The following KCNH7 variants were observed in gnomAD, a reference collection of about 807,000 sequenced individuals.
KCNH7 encodes the protein voltage-gated inwardly rectifying potassium channel KCNH7.
Under a neutral mutation model 120.8 loss-of-function variants are expected in KCNH7, and 49 were observed. That is an observed-to-expected ratio of 0.41 (90% CI 0.32 to 0.51). The LOEUF is 0.51. KCNH7 is among the 20% of genes least tolerant of loss of function. The pLI is 0.38. For missense variants in KCNH7, 1,097 were observed against 1,446.6 expected, an observed-to-expected ratio of 0.76 and a Z score of 3.92; for synonymous variants, 547 against 516.1, an observed-to-expected ratio of 1.06 and a Z score of -0.81.
At chr2:162,666,796 A>G (rs1685147434) in intron 2 of KCNH7, among the ~76,000 whole-genome samples, 2 of 152,152 alleles carry the variant, frequency 1.3e-5, no homozygotes, top group South Asian at 2.1e-4. Flanking sequence ...CATCTCTGCC[A>G]GTGTTCTTGG....
chr2:162,579,708 C>A (rs1369257379), intron 2 of KCNH7, among the ~76,000 whole-genome samples: 1 of 152,014 alleles, frequency 6.6e-6, no homozygotes, highest in African/African-American at 2.4e-5. Flanking sequence ...ACAAGCCTTT[C>A]CGAAAGTCTA....
intron 5 of KCNH7, among the ~76,000 whole-genome samples, chr2:162,509,988 T>C (rs1691014276): frequency 6.6e-6 from 1 of 151,590 alleles, no homozygotes; most frequent in Non-Finnish European, 1.5e-5. Flanking sequence ...AGATTTTTAC[T>C]GATGACTTGT....
chr2:162,516,161 C>G (rs1314810691), intron 4 of KCNH7, among the ~76,000 whole-genome samples: 2 of 151,756 alleles, frequency 1.3e-5, no homozygotes, highest in African/African-American at 4.8e-5. Flanking sequence ...GCAGAGCTCA[C>G]TATGCCAGAG....
chr2:162,401,140 G>C (rs974691172), intron 9 of KCNH7, among the ~76,000 whole-genome samples: 4 of 151,866 alleles, frequency 2.6e-5, no homozygotes, highest in Non-Finnish European at 5.9e-5. Context: ...AAGTGCTACT[G>C]TTTTGACAAC....
chr2:162,562,727 G>A (rs1203245897), intron 2 of KCNH7, among the ~76,000 whole-genome samples: 2 of 152,250 alleles, frequency 1.3e-5, no homozygotes, highest in Non-Finnish European at 2.9e-5. Flanking sequence ...TCAATAAAGC[G>A]ATGGAATCTT....
intron 2 of KCNH7, among the ~76,000 whole-genome samples, chr2:162,556,601 T>C (rs1692864893): frequency 6.6e-6 from 1 of 152,218 alleles, no homozygotes; most frequent in African/African-American, 2.4e-5. Flanking sequence ...GACATGATTA[T>C]TTAAAATGTA....
intron 2 of KCNH7, among the ~76,000 whole-genome samples, chr2:162,734,605 C>G (rs1687837064): frequency 6.6e-6 from 1 of 152,106 alleles, no homozygotes; most frequent in Admixed American, 6.6e-5. Flanking sequence ...TGTGGCACTC[C>G]TTGCCTTAGG....
intron 2 of KCNH7, among the ~76,000 whole-genome samples, chr2:162,562,571 G>A (rs1414621565): frequency 6.6e-6 from 1 of 152,116 alleles, no homozygotes; most frequent in Non-Finnish European, 1.5e-5. Flanking sequence ...AAAAGTACTC[G>A]GTCCTTAGCT....
intron 2 of KCNH7, among the ~76,000 whole-genome samples, chr2:162,801,102 A>C (rs1684329729): frequency 6.6e-6 from 1 of 151,852 alleles, no homozygotes; most frequent in African/African-American, 2.4e-5. Context: ...TTTTAAAAGA[A>C]GAAAAAATTA....
intron 2 of KCNH7, among the ~76,000 whole-genome samples, chr2:162,723,837 C>T (rs1481464679): frequency 2.6e-5 from 4 of 152,012 alleles, no homozygotes; most frequent in Admixed American, 2.0e-4. Flanking sequence ...ACATTAATAC[C>T]TTACTTTTGG....
chr2:162,570,427 T>A (rs897183369), intron 2 of KCNH7, among the ~76,000 whole-genome samples: 3 of 152,040 alleles, frequency 2.0e-5, no homozygotes, highest in Non-Finnish European at 4.4e-5. Flanking sequence ...TGTGTGTCTC[T>A]GCACATGAGA....
intron 8 of KCNH7, among the ~76,000 whole-genome samples, chr2:162,430,813 A>C (rs1688038790): frequency 6.6e-6 from 1 of 151,980 alleles, no homozygotes; most frequent in South Asian, 2.1e-4. Context: ...GCAGGTCAGA[A>C]ATGGAATACA....
chr2:162,486,889 A>G (rs1057512898), intron 6 of KCNH7, among the ~76,000 whole-genome samples: 9 of 152,238 alleles, frequency 5.9e-5, no homozygotes, highest in Admixed American at 6.5e-5. Context: ...AGGAATTTTT[A>G]GAACCTTAAA....
intron 2 of KCNH7, among the ~76,000 whole-genome samples, chr2:162,685,715 G>GA (rs111556174): frequency 0.011 from 1,613 of 143,746 alleles, 21 homozygotes; most frequent in African/African-American, 0.038. Flanking sequence ...AGATGTATTA[G>GA]AAAAAAAAAA....
intron 9 of KCNH7, among the ~76,000 whole-genome samples, chr2:162,407,954 T>A (rs1448072276): frequency 6.6e-6 from 1 of 152,026 alleles, no homozygotes; most frequent in Non-Finnish European, 1.5e-5. Context: ...TTATCACGTA[T>A]CGTATTTTAG....
chr2:162,756,215 G>T (rs531748532), intron 2 of KCNH7, among the ~76,000 whole-genome samples: 1 of 152,062 alleles, frequency 6.6e-6, no homozygotes, highest in Non-Finnish European at 1.5e-5. Context: ...AATAGTATGA[G>T]CTAAACCAGA....
intron 2 of KCNH7, among the ~76,000 whole-genome samples, chr2:162,671,275 A>T (rs1685343624): frequency 6.6e-6 from 1 of 152,164 alleles, no homozygotes; most frequent in South Asian, 2.1e-4. Context: ...TTGCAGTACT[A>T]TTCACAATAC....
At chr2:162,821,693 T>C (rs769693090) in intron 2 of KCNH7, among the ~76,000 whole-genome samples, 1 of 152,254 alleles carries the variant, frequency 6.6e-6, no homozygotes, top group Non-Finnish European at 1.5e-5. Context: ...AATCTTGCTT[T>C]GGATAATAAA....
intron 9 of KCNH7, among the ~76,000 whole-genome samples, chr2:162,416,625 C>A (rs1409760144): frequency 6.6e-6 from 1 of 152,050 alleles, no homozygotes; most frequent in African/African-American, 2.4e-5. Flanking sequence ...CATGTTTTAG[C>A]TTTGTGTGGG....
Sources: gnomAD v4.1 joint callset for allele counts (sites outside exome capture counted in the v4.1 genomes callset) on GRCh38, gnomAD v4.1.1 for gene constraint, MANE v1.5 for transcripts, NCBI Gene and HGNC (gene_info 2026-07-23, HGNC 2026-07-21) for gene names.